The following CNTNAP3 variants were observed in gnomAD, a reference collection of about 807,000 sequenced individuals.
The protein encoded by CNTNAP3 is contactin associated protein family member 3, also known as contactin-associated protein-like 3.
A neutral mutation model predicts 92.1 loss-of-function variants in CNTNAP3; 36 were observed. The observed-to-expected ratio is 0.39, with a 90% CI of 0.30 to 0.52. The LOEUF is 0.52. Among genes scored for constraint, CNTNAP3 ranks in the 20% least tolerant of loss-of-function variants. The pLI is 0.76. For synonymous variants in CNTNAP3, 232 were observed against 422.3 expected, an observed-to-expected ratio of 0.55 and a Z score of 5.53; for missense variants, 534 against 1,069.6, an observed-to-expected ratio of 0.50 and a Z score of 6.98.
intron 1 of CNTNAP3, among the ~76,000 whole-genome samples, chr9:39,285,521 T>C (rs1823031721): frequency 2.0e-5 from 1 of 51,230 alleles, no homozygotes; most frequent in South Asian, 7.0e-4. Context: ...TTTAGAAAGC[T>C]TTTTTTTTTT....
At chr9:39,074,278 C>T (rs1177982536) in intron 23 of CNTNAP3, among the ~76,000 whole-genome samples, 1 of 151,854 alleles carries the variant, frequency 6.6e-6, no homozygotes. Flanking sequence ...ATCCTCTCAC[C>T]TTGGTCTCCC....
intron 1 of CNTNAP3, among the ~76,000 whole-genome samples, chr9:39,285,493 T>G (rs1823031239): frequency 1.9e-5 from 1 of 53,780 alleles, no homozygotes; most frequent in African/African-American, 4.2e-5. Flanking sequence ...CTGCACATAA[T>G]CCCCAAAATG....
At chr9:39,129,451 ACT>A (rs199596998) in intron 13 of CNTNAP3, among the ~76,000 whole-genome samples, 2,716 of 152,254 alleles carry the variant, frequency 0.018, 43 homozygotes, top group East Asian at 0.1. Context: ...GAGAGAATCA[ACT>A]CTCACATCTT....
rs550359226 is a variant in CNTNAP3, at chr9:39,124,442, C to CTTTACA, written c.2081-6184_2081-6183insTGTAAA. Reference sequence around the variant, plus strand: ...ATATTAATCCAAGTATCAATAATCACTTTAAATGTAAACAGTCTAAATATA... The same window carrying CTTTACA: ...ATATTAATCCAAGTATCAATAATCACTTTACATTTAAATGTAAACAGTCTAAATATA... On this transcript the variant is annotated intron_variant, in intron 13 of 23. Coordinates refer to ENST00000297668, the MANE Select transcript of CNTNAP3 (RefSeq NM_033655.5). 2.0e-5 allele frequency among the ~76,000 whole-genome samples: 3 copies of CTTTACA among 152,056 alleles called. No individual in the cohort carries two copies. The East Asian group carries it at 5.8e-4, about 29-fold the overall frequency.
intron 4 of CNTNAP3, among the ~76,000 whole-genome samples, chr9:39,184,068 A>G (rs2990087): frequency 4.8e-4 from 68 of 141,240 alleles, no homozygotes; most frequent in African/African-American, 2.0e-3. Context: ...ACGTTTTTGA[A>G]ATACACGCAT....
Position 39,069,028 on chromosome 9 carries a change from ATATG to A in CNTNAP3, c.*4858_*4861del, listed in dbSNP as rs1204141574. On this transcript the variant is annotated 3_prime_UTR_variant, in exon 24 of 24. Transcript: ENST00000297668. ...AGTATAAACACACATACACATATAT[ATATG>A]TATGTATATAACACACATGAATCAT... Among the ~76,000 whole-genome samples the A allele has an allele frequency of 5.9e-5, 9 of 151,736 alleles. No individual in the cohort carries two copies. Among genetic ancestry groups the A allele is most frequent in the Non-Finnish European group, 1.2e-4 (8 of 68,032 alleles).
intron 14 of CNTNAP3, among the ~76,000 whole-genome samples, chr9:39,112,366 A>C (rs906749664): frequency 2.0e-5 from 3 of 151,500 alleles, no homozygotes; most frequent in Non-Finnish European, 4.4e-5. Flanking sequence ...CAACTTTTTA[A>C]CTTTTTTTTT....
chr9:39,127,947 T>C (rs1034780513), intron 13 of CNTNAP3, among the ~76,000 whole-genome samples: 9 of 152,132 alleles, frequency 5.9e-5, no homozygotes, highest in Admixed American at 3.3e-4. Context: ...CAAGCGATTC[T>C]CCTGCCTCAG....
chr9:39,082,407 G>T (rs1290751818), intron 21 of CNTNAP3, among the ~76,000 whole-genome samples: 1 of 151,796 alleles, frequency 6.6e-6, no homozygotes, highest in Non-Finnish European at 1.5e-5. Flanking sequence ...ACTTAGTGCA[G>T]CCTCCTCATT....
chr9:39,078,677 G>A lies in CNTNAP3; in HGVS notation c.3673+13C>T, dbSNP rs1041072492. Reference sequence around the variant, plus strand: ...GCGCAGTTTCAGGTGCGCAGGGGTGGAGGGCCACACACCTGCGCCCCCCGC... The same window carrying A: ...GCGCAGTTTCAGGTGCGCAGGGGTGAAGGGCCACACACCTGCGCCCCCCGC... On this transcript the variant is annotated intron_variant, in intron 22 of 23. Transcript: ENST00000297668. 1 of 1,547,438 alleles carries A rather than the reference G, an allele frequency of 6.5e-7. No homozygotes were observed. The highest frequency in any genetic ancestry group is 1.2e-5 in the South Asian group (1 of 83,800).
At chr9:39,098,768 T>G (rs1826383304) in intron 18 of CNTNAP3, among the ~76,000 whole-genome samples, 1 of 152,120 alleles carries the variant, frequency 6.6e-6, no homozygotes, top group African/African-American at 2.4e-5. Flanking sequence ...CTCAAAATTT[T>G]TTTGAAAGTC....
chr9:39,134,873 T>C (rs1227197816), intron 12 of CNTNAP3, among the ~76,000 whole-genome samples: 2 of 152,244 alleles, frequency 1.3e-5, no homozygotes, highest in Non-Finnish European at 2.9e-5. Context: ...CATGCCATTT[T>C]TGGCCATGTG....
In CNTNAP3 at chr9:39,131,423, G is replaced by A. The variant is rs1345910485; in HGVS notation, c.2080+1509C>T. Among the ~76,000 whole-genome samples, 3 of 152,224 alleles carry A rather than the reference G, an allele frequency of 2.0e-5. No individual in the cohort carries two copies. The East Asian group carries it at 5.8e-4, about 29-fold the overall frequency. Reference sequence around the variant, plus strand: ...AAACTTTGAATGCAACCAGACCTTTGCTCTTTCTACTAGACCAAATTGGCT... The same window carrying A: ...AAACTTTGAATGCAACCAGACCTTTACTCTTTCTACTAGACCAAATTGGCT... On this transcript the variant is annotated intron_variant, in intron 13 of 23. Transcript: ENST00000297668.
At position 39,072,239 on chromosome 9, in the gene CNTNAP3, C is replaced by T. The variant is rs533066909; in HGVS notation, c.*1651G>A. Among the ~76,000 whole-genome samples, 98 of 115,342 alleles carry T rather than the reference C, an allele frequency of 8.5e-4. 21 individuals carry two copies. The Middle Eastern group carries it at 0.03, about 36-fold the overall frequency. 75.7% of individuals were successfully genotyped at this position (115,342 alleles called of 152,430 possible). A position where few individuals can be genotyped will look rare whatever the true frequency, so the allele number is the denominator to read the frequency against. ...TTCATTCTTTCAAAAATAACACATA[C>T]GAATTTCCATAACAAGATGGAAATT... On this transcript the variant is annotated 3_prime_UTR_variant, in exon 24 of 24. Coordinates refer to ENST00000297668, the MANE Select transcript of CNTNAP3 (RefSeq NM_033655.5).
At position 39,075,150 on chromosome 9, in the gene CNTNAP3, A is replaced by T. The variant is rs577611289; in HGVS notation, c.3746-1139T>A. Among the ~76,000 whole-genome samples the T allele has an allele frequency of 3.0e-3, 399 of 132,102 alleles. 1 individual carries two copies. The highest frequency in any genetic ancestry group is 4.7e-3 in the Non-Finnish European group (280 of 59,944). The allele number at this position is 132,102 out of a possible 152,430, so 86.7% of individuals were successfully genotyped here. A position where few individuals can be genotyped will look rare whatever the true frequency, so the allele number is the denominator to read the frequency against. On this transcript the variant is annotated intron_variant, in intron 23 of 23. Transcript: ENST00000297668. The stretch of plus-strand genomic sequence containing the variant: ...AAAAATATTGCAGGCATATTTATTC[A>T]TTTTTTTTTTACCTGGAATGTGGAT...
intron 13 of CNTNAP3, among the ~76,000 whole-genome samples, chr9:39,127,927 C>CTTG (rs1017174520): frequency 5.9e-5 from 9 of 152,122 alleles, no homozygotes; most frequent in Admixed American, 3.3e-4. Flanking sequence ...CAACCTCTGC[C>CTTG]TCCCAAGTTC....
chr9:39,131,270 T>C (rs1331557373), intron 13 of CNTNAP3, among the ~76,000 whole-genome samples: 1 of 152,152 alleles, frequency 6.6e-6, no homozygotes, highest in Non-Finnish European at 1.5e-5. Flanking sequence ...ATCTCATTTA[T>C]AAAAGAAACC....
At chr9:39,146,282 AG>A (rs1202405712) in intron 10 of CNTNAP3, among the ~76,000 whole-genome samples, 1 of 152,102 alleles carries the variant, frequency 6.6e-6, no homozygotes, top group Non-Finnish European at 1.5e-5. Flanking sequence ...CTCCCTGCTC[AG>A]GGAGCCCCAG....
In CNTNAP3 at chr9:39,134,163, A is replaced by G. The variant is rs554990623; in HGVS notation, c.1877-1028T>C. The stretch of plus-strand genomic sequence containing the variant: ...ACGCCTAACAACAGAGATCAGAGGA[A>G]AGAAGGAAAAGAAAACCAGCCATGC... On this transcript the variant is annotated intron_variant, in intron 12 of 23. Coordinates refer to ENST00000297668, the MANE Select transcript of CNTNAP3 (RefSeq NM_033655.5). Among the ~76,000 whole-genome samples the G allele has an allele frequency of 1.6e-3, 251 of 152,276 alleles. 3 individuals carry two copies. Among genetic ancestry groups the G allele is most frequent in the South Asian group, 2.1e-4 (1 of 4,824 alleles).
Sources: allele counts gnomAD v4.1 joint callset (sites outside exome capture counted in the v4.1 genomes callset), GRCh38; gene constraint gnomAD v4.1.1; transcripts MANE v1.5; gene names NCBI Gene and HGNC (gene_info 2026-07-23, HGNC 2026-07-21).